The following NDEL1 variants were observed in gnomAD, a reference collection of about 807,000 sequenced individuals.
NDEL1 encodes nuclear distribution protein nudE-like 1.
NDEL1 carries 9 observed loss-of-function variants against 45.7 expected under a neutral mutation model. That is an observed-to-expected ratio of 0.20 (90% CI 0.12 to 0.34). The LOEUF (loss-of-function observed/expected upper bound fraction) is 0.34. Ranked by LOEUF, NDEL1 falls within the 10% of genes least tolerant of loss-of-function variation. The pLI, the probability that NDEL1 is intolerant of heterozygous loss-of-function variation, is 1.00. For missense variants in NDEL1, 306 were observed against 406.2 expected, an observed-to-expected ratio of 0.75 and a Z score of 2.12; for synonymous variants, 133 against 158.6, an observed-to-expected ratio of 0.84 and a Z score of 1.21.
At chr17:8,427,991 C>T (rs558641981) in intron 1 of NDEL1, among the ~76,000 whole-genome samples, 15 of 152,292 alleles carry the variant, frequency 9.8e-5, no homozygotes, top group African/African-American at 2.2e-4. Flanking sequence ...GACAACTTTA[C>T]GGAGGAAGAG....
chr17:8,430,672 G>C (rs1489738341), intron 1 of NDEL1, among the ~76,000 whole-genome samples: 1 of 152,182 alleles, frequency 6.6e-6, no homozygotes, highest in East Asian at 1.9e-4. Flanking sequence ...CTTGTACTGG[G>C]ACCCATGCCT....
intron 1 of NDEL1, among the ~76,000 whole-genome samples, chr17:8,439,002 C>A (rs1454031071): frequency 6.7e-6 from 1 of 149,758 alleles, no homozygotes; most frequent in East Asian, 1.9e-4. Context: ...AGTGCGGTCG[C>A]GCGCTCTCGG....
intron 8 of NDEL1, among the ~76,000 whole-genome samples, chr17:8,461,832 G>T (rs972331510): frequency 6.6e-6 from 1 of 152,064 alleles, no homozygotes; most frequent in South Asian, 2.1e-4. Flanking sequence ...CCTTGGAATC[G>T]TATTTCTTGA....
intron 1 of NDEL1, among the ~76,000 whole-genome samples, chr17:8,414,644 A>G (rs927925132): frequency 3.3e-5 from 5 of 151,938 alleles, no homozygotes; most frequent in Admixed American, 2.0e-4. Context: ...TCTAGCCTGG[A>G]CGACAGAGCG....
rs151129697 is a variant in NDEL1 at position 8,423,477 on chromosome 17, C to T, written c.-13+10208C>T. 1.2e-4 allele frequency among the ~76,000 whole-genome samples: 19 copies of T among 152,034 alleles called. No homozygotes were observed. The East Asian group carries it at 1.5e-3, about 12-fold the overall frequency. On this transcript the variant is annotated intron_variant, in intron 1 of 4. Coordinates refer to the NDEL1 transcript ENST00000582812. The stretch of plus-strand genomic sequence containing the variant: ...GACGGGCAGATTGCCTGAGGCCAGG[C>T]GGTAGAGACCAGCCTGACCAACATG...
At chr17:8,472,198 A>G (rs772708937), downstream of NDEL1, among the ~76,000 whole-genome samples, 1 of 152,226 alleles carries the variant, frequency 6.6e-6, no homozygotes, top group Non-Finnish European at 1.5e-5. Flanking sequence ...GGTCATACCC[A>G]GAGCCATAGA....
chr17:8,465,284 G>A lies in NDEL1; in HGVS notation c.945-1646G>A, dbSNP rs1280949123. ...AAGAGGCACAGGCCTGTGACCTTGG[G>A]AGAGTGGGAAGGATGATTTCAAACT... On this transcript the variant is annotated intron_variant, in intron 8 of 8. Coordinates refer to ENST00000334527, the MANE Select transcript of NDEL1 (RefSeq NM_030808.5). This position sits in a 1 kb window ranked among gnomAD's most constrained non-coding sequence, Gnocchi z 4.9. The A allele has an allele frequency of 6.6e-6, 1 of 152,262 alleles. No individual in the cohort carries two copies. The highest frequency in any genetic ancestry group is 1.5e-5 in the Non-Finnish European group (1 of 68,046). The allele number at this position is 152,262 out of a possible 1,614,324, so 9.4% of individuals were successfully genotyped here.
chr17:8,435,760 C>A (rs1005569817), upstream of NDEL1: 11 of 347,370 alleles, frequency 3.2e-5, no homozygotes, highest in African/African-American at 2.5e-4. Flanking sequence ...CGTCAGCGCG[C>A]CGGGCTCTGG....
chr17:8,449,972 C>T (rs559590686), intron 5 of NDEL1, among the ~76,000 whole-genome samples: 120 of 152,256 alleles, frequency 7.9e-4, no homozygotes, highest in African/African-American at 2.7e-3. Flanking sequence ...GAAAAGATAA[C>T]ATTAATTTTG....
chr17:8,415,280 G>A (rs1021178916), intron 1 of NDEL1, among the ~76,000 whole-genome samples: 25 of 151,828 alleles, frequency 1.6e-4, no homozygotes, highest in African/African-American at 5.3e-4. Context: ...CCGGGCTTAA[G>A]CCATCCTCCC....
intron 1 of NDEL1, among the ~76,000 whole-genome samples, chr17:8,438,687 T>C (rs928282678): frequency 6.6e-6 from 1 of 151,800 alleles, no homozygotes; most frequent in Admixed American, 6.6e-5. Flanking sequence ...AGCTCATTTT[T>C]GTATTTTTGT....
intron 1 of NDEL1, among the ~76,000 whole-genome samples, chr17:8,422,397 C>T (rs994425018): frequency 6.6e-6 from 1 of 151,940 alleles, no homozygotes; most frequent in Non-Finnish European, 1.5e-5. Context: ...CAACCTCTGC[C>T]TCCTGGGTTC....
At chr17:8,461,872 G>A (rs1170083102) in intron 8 of NDEL1, among the ~76,000 whole-genome samples, 1 of 152,098 alleles carries the variant, frequency 6.6e-6, no homozygotes, top group Non-Finnish European at 1.5e-5. Flanking sequence ...ATGAGAGCAG[G>A]TGTGAATCAT....
upstream of NDEL1, among the ~76,000 whole-genome samples, chr17:8,434,561 T>C (rs149291352): frequency 6.3e-4 from 95 of 151,742 alleles, no homozygotes; most frequent in African/African-American, 2.2e-3. Flanking sequence ...AGGAAAGGAT[T>C]ACCTTGTACA....
intron 6 of NDEL1, among the ~76,000 whole-genome samples, 196 bp from the exon 7 acceptor site, chr17:8,454,600 C>T (rs554534805): frequency 1.1e-4 from 17 of 152,096 alleles, no homozygotes; most frequent in African/African-American, 2.9e-4. Flanking sequence ...CTTATAATGG[C>T]GAAAAATTTG....
At chr17:8,422,771 C>G (rs1038405670) in intron 1 of NDEL1, among the ~76,000 whole-genome samples, 2 of 151,514 alleles carry the variant, frequency 1.3e-5, no homozygotes, top group African/African-American at 2.4e-5. Flanking sequence ...GAGTCTTGCT[C>G]TGTCACCCAG....
In NDEL1 at chr17:8,444,547, T is replaced by A. The variant is rs1909957016; in HGVS notation, c.86+190T>A. Reference sequence around the variant, plus strand: ...TGTAAACATGCCATAAGTCTTTATATTGTTCAAATTATTAAAATAGTAGGA... The same window carrying A: ...TGTAAACATGCCATAAGTCTTTATAATGTTCAAATTATTAAAATAGTAGGA... On this transcript the variant is annotated intron_variant, in intron 2 of 8. Transcript: ENST00000334527. 8.7e-6 allele frequency: 4 copies of A among 460,332 alleles called. No individual in the cohort carries two copies. In the South Asian group the frequency reaches 1.4e-4, roughly 16 times the overall value. 28.5% of individuals were successfully genotyped at this position (460,332 alleles called of 1,614,324 possible). A position where few individuals can be genotyped will look rare whatever the true frequency, so the allele number is the denominator to read the frequency against.
chr17:8,446,841 C>G lies in NDEL1; in HGVS notation c.328C>G (p.Gln110Glu), dbSNP rs1015332220. Residue 110 changes from glutamine (Q) to glutamate (E), a missense_variant, in exon 4 of 9, where the codon CAG becomes GAG. By Grantham distance (29) the Gln-to-Glu change is conservative. Around this residue, in one of 3 missense-constraint regions of NDEL1, gnomAD observed 112 missense variants for 148.3 expected, o/e 0.76. Coordinates refer to ENST00000334527, the MANE Select transcript of NDEL1 (RefSeq NM_030808.5). ...DLSQTRAIKE[Q>E]LHKYVRELEQ... ...AAGTCAGACTCGGGCCATTAAGGAG[C>G]AGTTGCATAAGTATGTGAGAGAGCT... 1.2e-6 allele frequency: 2 copies of G among 1,614,040 alleles called. No individual in the cohort carries two copies. Among genetic ancestry groups the G allele is most frequent in the Admixed American group, 1.7e-5 (1 of 59,994 alleles).
At chr17:8,446,041 G>A (rs939983044) in intron 3 of NDEL1, 177 bp downstream of exon 3, 3 of 505,946 alleles carry the variant, frequency 5.9e-6, no homozygotes, top group African/African-American at 4.0e-5. Flanking sequence ...GTGGTTTAGA[G>A]TTTAGGAGTT....
Sources: allele counts gnomAD v4.1 joint callset (sites outside exome capture counted in the v4.1 genomes callset), GRCh38; gene constraint gnomAD v4.1.1; regional missense constraint gnomAD v4.1.1; non-coding constraint Gnocchi (gnomAD v3.1); transcripts MANE v1.5; gene names NCBI Gene and HGNC (gene_info 2026-07-23, HGNC 2026-07-21).